The following ARHGEF28 variants were observed in gnomAD, a reference collection of about 807,000 sequenced individuals.
The protein encoded by ARHGEF28 is 190 kDa guanine nucleotide exchange factor.
In ARHGEF28, 152 loss-of-function variants were observed where a neutral mutation model predicts 206.6. That is an observed-to-expected ratio of 0.74 (90% CI 0.64 to 0.84). The LOEUF (loss-of-function observed/expected upper bound fraction) is 0.84, where lower values mean the gene tolerates loss of function less well. ARHGEF28 is among the 40% of genes least tolerant of loss of function. ARHGEF28 has a pLI of 0.00. For synonymous variants in ARHGEF28, 763 were observed against 776.4 expected, an observed-to-expected ratio of 0.98 and a Z score of 0.29; for missense variants, 2,028 against 2,073.2, an observed-to-expected ratio of 0.98 and a Z score of 0.42.
chr5:73,915,181 G>A (rs1763142261), intron 35 of ARHGEF28, among the ~76,000 whole-genome samples: 3 of 151,674 alleles, frequency 2.0e-5, no homozygotes, highest in Admixed American at 6.6e-5. Context: ...CTTTTTAATA[G>A]TAACATTTGG....
At chr5:73,831,527 C>G (rs756898531) in intron 9 of ARHGEF28, among the ~76,000 whole-genome samples, 59 of 152,286 alleles carry the variant, frequency 3.9e-4, no homozygotes, top group South Asian at 6.2e-4. Flanking sequence ...CAAGCAGTAC[C>G]GAGCCAGAAC....
At chr5:73,913,726 C>T (rs1763045953) in intron 35 of ARHGEF28, among the ~76,000 whole-genome samples, 1 of 152,174 alleles carries the variant, frequency 6.6e-6, no homozygotes, top group Admixed American at 6.5e-5. Flanking sequence ...GGGTGAGTGG[C>T]CATCAGTGAC....
chr5:73,847,759 A>G (rs1758453611), intron 12 of ARHGEF28, among the ~76,000 whole-genome samples: 1 of 152,196 alleles, frequency 6.6e-6, no homozygotes, highest in Admixed American at 6.5e-5. Flanking sequence ...TCAAAGTTCT[A>G]TTGTCATGAC....
chr5:73,937,420 T>A (rs1038022396), intron 35 of ARHGEF28, among the ~76,000 whole-genome samples: 7 of 152,232 alleles, frequency 4.6e-5, no homozygotes, highest in African/African-American at 1.7e-4. Context: ...GGCTTTTATG[T>A]GTTTTAGCTT....
chr5:73,717,575 G>A (rs1307044290), intron 2 of ARHGEF28, among the ~76,000 whole-genome samples: 1 of 152,136 alleles, frequency 6.6e-6, no homozygotes, highest in Non-Finnish European at 1.5e-5. Context: ...AATGTAGAAA[G>A]TGGTTGTGTT....
In ARHGEF28 at chr5:73,790,845, A is replaced by G. The variant is rs1481831919; in HGVS notation, c.911-3557A>G. 4.6e-5 allele frequency among the ~76,000 whole-genome samples: 7 copies of G among 152,198 alleles called. No individual in the cohort carries two copies. In the East Asian group the frequency reaches 1.2e-3, roughly 25 times the overall value. ...TACACTAGGATAAAACATTGTAGCA[A>G]CACATGCAGGTGCAGTAGTTAGTAG... On this transcript the variant is annotated intron_variant, in intron 7 of 35. Coordinates refer to ENST00000513042, the MANE Select transcript of ARHGEF28 (RefSeq NM_001177693.2).
At chr5:73,666,104 A>G (rs1352873669) in intron 1 of ARHGEF28, among the ~76,000 whole-genome samples, 1 of 152,210 alleles carries the variant, frequency 6.6e-6, no homozygotes, top group East Asian at 1.9e-4. Flanking sequence ...CAGGTATAGG[A>G]TAGACATTCC....
At chr5:73,756,754 G>A (rs1322639658) in intron 4 of ARHGEF28, among the ~76,000 whole-genome samples, 1 of 152,132 alleles carries the variant, frequency 6.6e-6, no homozygotes, top group Non-Finnish European at 1.5e-5. Flanking sequence ...GCATTTAGAT[G>A]AATAGATTCA....
chr5:73,769,080 C>G (rs1332555230), intron 4 of ARHGEF28, among the ~76,000 whole-genome samples: 2 of 152,136 alleles, frequency 1.3e-5, no homozygotes, highest in Admixed American at 6.5e-5. Flanking sequence ...TCCATTAAAC[C>G]TCTTTCTTTT....
chr5:73,630,389 T>G (rs1028984675), intron 1 of ARHGEF28, among the ~76,000 whole-genome samples: 6 of 152,196 alleles, frequency 3.9e-5, no homozygotes, highest in Non-Finnish European at 7.4e-5. Flanking sequence ...CTATGTGACC[T>G]CTCTCTACCT....
chr5:73,890,021 T>G (rs1206739760), intron 26 of ARHGEF28, among the ~76,000 whole-genome samples: 1 of 152,256 alleles, frequency 6.6e-6, no homozygotes, highest in East Asian at 1.9e-4. Context: ...AAAACATCTC[T>G]GCAAGCTGGG....
intron 6 of ARHGEF28, among the ~76,000 whole-genome samples, chr5:73,778,971 A>G (rs1753685228): frequency 6.6e-6 from 1 of 152,156 alleles, no homozygotes; most frequent in South Asian, 2.1e-4. Flanking sequence ...CTCCAAGGGG[A>G]CATGTTTAGT....
intron 14 of ARHGEF28, among the ~76,000 whole-genome samples, chr5:73,855,459 T>C (rs2046552): frequency 0.13 from 19,745 of 152,142 alleles, 1,789 homozygotes; most frequent in African/African-American, 0.24. Flanking sequence ...CGGCTGGGCG[T>C]GGTGGCTCAC....
intron 4 of ARHGEF28, among the ~76,000 whole-genome samples, chr5:73,758,093 G>A (rs1752409931): frequency 6.6e-6 from 1 of 152,080 alleles, no homozygotes; most frequent in African/African-American, 2.4e-5. Flanking sequence ...TGGCTGGCAA[G>A]CACCAAGCTT....
chr5:73,868,202 C>T lies in ARHGEF28; in HGVS notation c.2400C>T (p.Pro800=), dbSNP rs1759836055. 6.3e-7 allele frequency: 1 copy of T among 1,592,518 alleles called. No homozygotes were observed. The highest frequency in any genetic ancestry group is 8.6e-7 in the Non-Finnish European group (1 of 1,168,482). Residue 800 remains proline (P), a synonymous_variant, in exon 20 of 36, where the codon CCC becomes CCT. Transcript: ENST00000513042. ...TGCTACAGTCCATGGGCTCTTCTCC[C>T]TCTACAGAGTCTTTCATAATGGAAG... ...DELLQSMGSS[P]STESFIMEDV...
chr5:73,669,980 C>T (rs1746209389), intron 1 of ARHGEF28, among the ~76,000 whole-genome samples: 1 of 152,222 alleles, frequency 6.6e-6, no homozygotes, highest in Non-Finnish European at 1.5e-5. Flanking sequence ...AGCCACGGTG[C>T]TAGGCCAGTT....
intron 2 of ARHGEF28, among the ~76,000 whole-genome samples, chr5:73,727,262 T>C (rs577576830): frequency 6.6e-6 from 1 of 152,320 alleles, no homozygotes; most frequent in East Asian, 1.9e-4. Context: ...TAGAAACATA[T>C]AAAGAAACAT....
chr5:73,644,849 T>C (rs1169726014), intron 1 of ARHGEF28, among the ~76,000 whole-genome samples: 1 of 152,202 alleles, frequency 6.6e-6, no homozygotes, highest in Non-Finnish European at 1.5e-5. Flanking sequence ...ACTCCACTGA[T>C]ACAGTTTATT....
At chr5:73,888,840 G>A (rs1240953220) in intron 26 of ARHGEF28, among the ~76,000 whole-genome samples, 2 of 152,190 alleles carry the variant, frequency 1.3e-5, no homozygotes, top group South Asian at 2.1e-4. Flanking sequence ...TATTAGGAAT[G>A]CAATCCACCA....
Sources: gnomAD v4.1 joint callset for allele counts (sites outside exome capture counted in the v4.1 genomes callset) on GRCh38, gnomAD v4.1.1 for gene constraint, MANE v1.5 for transcripts, NCBI Gene and HGNC (gene_info 2026-07-23, HGNC 2026-07-21) for gene names.